Variants in TRPM3 observed in about 807,000 individuals in gnomAD.
The protein encoded by TRPM3 is transient receptor potential cation channel subfamily M member 3, also known as long transient receptor potential channel 3.
In TRPM3, 77 loss-of-function variants were observed where a neutral mutation model predicts 181.2. That is an observed-to-expected ratio of 0.42 (90% CI 0.35 to 0.51). TRPM3 has a LOEUF of 0.51. Ranked by LOEUF, TRPM3 falls within the 20% of genes least tolerant of loss-of-function variation. The probability of loss-of-function intolerance (pLI) is 0.01; values close to 1 mark genes in which losing one functional copy is unlikely to be tolerated. For missense variants in TRPM3, 1,759 were observed against 2,196.7 expected (o/e 0.80, Z 3.98); for synonymous variants, 745 against 796.4 (o/e 0.94, Z 1.09).
chr9:71,145,160 G>A (rs1371013422), intron 1 of TRPM3, among the ~76,000 whole-genome samples: 1 of 152,066 alleles, frequency 6.6e-6, no homozygotes, highest in Non-Finnish European at 1.5e-5. Context: ...TTATAATGAA[G>A]AGCAAAGAGT....
At chr9:71,216,943 T>C (rs929272489) in intron 1 of TRPM3, among the ~76,000 whole-genome samples, 3 of 44,950 alleles carry the variant, frequency 6.7e-5, no homozygotes, top group Non-Finnish European at 1.0e-4. Context: ...CTTTCTTTTT[T>C]TTTTTTTTTT....
At chr9:70,948,649 A>G (rs1018384880) in intron 1 of TRPM3, among the ~76,000 whole-genome samples, 4 of 152,194 alleles carry the variant, frequency 2.6e-5, no homozygotes, top group Non-Finnish European at 5.9e-5. Flanking sequence ...CATCTCTGTC[A>G]TTAGGAATTT....
chr9:71,425,926 C>T (rs2093855105), intron 1 of TRPM3, among the ~76,000 whole-genome samples: 1 of 152,086 alleles, frequency 6.6e-6, no homozygotes, highest in Non-Finnish European at 1.5e-5. Flanking sequence ...ATGTTGCTCC[C>T]TCTACCTGGA....
chr9:71,266,618 G>T (rs1478374204), intron 1 of TRPM3, among the ~76,000 whole-genome samples: 1 of 151,950 alleles, frequency 6.6e-6, no homozygotes, highest in Admixed American at 6.6e-5. Context: ...TTTTATTGTG[G>T]TAAGAATACT....
chr9:71,397,757 A>C (rs1030685246), intron 1 of TRPM3, among the ~76,000 whole-genome samples: 9 of 151,092 alleles, frequency 6.0e-5, no homozygotes, highest in African/African-American at 2.0e-4. Context: ...TCTTATGTTT[A>C]CATCAGAAAA....
chr9:70,890,819 C>A (rs1316111414), intron 1 of TRPM3, among the ~76,000 whole-genome samples: 4 of 151,958 alleles, frequency 2.6e-5, no homozygotes. Flanking sequence ...GAACCAAGCA[C>A]AGGACAGAGG....
chr9:70,829,202 T>C (rs2093741520), intron 5 of TRPM3, among the ~76,000 whole-genome samples: 1 of 152,196 alleles, frequency 6.6e-6, no homozygotes, highest in Admixed American at 6.5e-5. Context: ...TTTCAGTATG[T>C]AATAACACAC....
chr9:71,410,638 T>C (rs189559055), intron 1 of TRPM3, among the ~76,000 whole-genome samples: 91 of 151,986 alleles, frequency 6.0e-4, no homozygotes, highest in Admixed American at 3.9e-3. Flanking sequence ...CCAAAAAAAA[T>C]CCAGGCCCAG....
intron 1 of TRPM3, among the ~76,000 whole-genome samples, chr9:71,265,794 T>C (rs1455119310): frequency 6.6e-6 from 1 of 152,190 alleles, no homozygotes; most frequent in Non-Finnish European, 1.5e-5. Flanking sequence ...ATTAGCTGAG[T>C]CATTAGACTA....
intron 1 of TRPM3, among the ~76,000 whole-genome samples, chr9:71,043,337 G>A (rs1016012140): frequency 6.6e-6 from 1 of 152,162 alleles, no homozygotes; most frequent in African/African-American, 2.4e-5. Context: ...AAAGATGGAG[G>A]AGCCTGGAAG....
Position 70,549,660 on chromosome 9 carries a change from C to T in TRPM3, c.3589G>A (p.Asp1197Asn), listed in dbSNP as rs374965020. ...TCATGTACTTTCTTGAGCTCATCAT[C>T]GGTTATGAAGAGTTCTGTGGAAAAA... ...RDYGLKLFIT[D>N]DELKKVHDFE... Residue 1197 changes from aspartate to asparagine, a missense_variant, in exon 25 of 26, where the codon GAT (aspartate) becomes AAT (asparagine). Physicochemically the swap from Asp to Asn is conservative, Grantham distance 23. Around this residue, in one of 8 missense-constraint regions of TRPM3, gnomAD observed 96 missense variants for 129.6 expected, o/e 0.74. Transcript: ENST00000677713. The T allele has an allele frequency of 3.4e-5, 55 of 1,603,680 alleles. No individual in the cohort carries two copies. In the Middle Eastern group the frequency reaches 5.0e-4, roughly 15 times the overall value.
intron 1 of TRPM3, among the ~76,000 whole-genome samples, chr9:71,023,005 T>G (rs1374153630): frequency 1.3e-5 from 2 of 152,084 alleles, no homozygotes; most frequent in African/African-American, 4.8e-5. Context: ...AATTGAATCT[T>G]ATCAAAATTA....
rs548605125 is a variant in TRPM3, at chr9:71,131,252, G to C, written c.184-266741C>G. On this transcript the variant is annotated intron_variant, in intron 1 of 24. Transcript: ENST00000357533. ...AGCTTTCTCCTCCAGCTCTTCATGA[G>C]ATTAGCTCCTTCTCATGCTGGGAAA... 7.7e-4 allele frequency among the ~76,000 whole-genome samples: 118 copies of C among 152,330 alleles called. 1 individual carries two copies. The Middle Eastern group carries it at 0.01, about 13-fold the overall frequency.
intron 1 of TRPM3, among the ~76,000 whole-genome samples, chr9:70,908,658 G>A (rs1011060291): frequency 1.3e-5 from 2 of 152,164 alleles, no homozygotes; most frequent in Non-Finnish European, 2.9e-5. Context: ...AAATCCCAGG[G>A]AGAGATTCAA....
chr9:71,351,836 G>C lies in TRPM3; in HGVS notation c.183+94817C>G, dbSNP rs145854277. Among the ~76,000 whole-genome samples, 276 of 150,864 alleles carry C rather than the reference G, an allele frequency of 1.8e-3. 3 individuals are homozygous for C. The highest frequency in any genetic ancestry group is 0.013 in the Admixed American group (201 of 15,104). ...AGAGGCAATAAGAAGGTAGGAGAGA[G>C]TAAAGGAAATGGGAAGTTTTTGTTT... On this transcript the variant is annotated intron_variant, in intron 1 of 24. Coordinates refer to the TRPM3 transcript ENST00000357533.
chr9:71,315,770 A>C (rs1028138096), intron 1 of TRPM3, among the ~76,000 whole-genome samples: 1 of 152,214 alleles, frequency 6.6e-6, no homozygotes, highest in Admixed American at 6.5e-5. Flanking sequence ...TCTTATTAAT[A>C]AGTTTTTGTG....
chr9:70,984,896 G>A (rs956309260), intron 1 of TRPM3, among the ~76,000 whole-genome samples: 3 of 152,182 alleles, frequency 2.0e-5, no homozygotes, highest in East Asian at 1.9e-4. Context: ...TATGTCATCC[G>A]TATTTTATTT....
intron 1 of TRPM3, among the ~76,000 whole-genome samples, chr9:71,436,714 G>C (rs1363417941): frequency 6.6e-6 from 1 of 152,090 alleles, no homozygotes; most frequent in Admixed American, 6.6e-5. Context: ...AGCTGGAAAA[G>C]GCAAGCAAAT....
chr9:71,365,010 A>G (rs1020355571), intron 1 of TRPM3, among the ~76,000 whole-genome samples: 2 of 152,208 alleles, frequency 1.3e-5, no homozygotes, highest in South Asian at 4.1e-4. Context: ...AGACATAAAG[A>G]AAGACCCGAT....
Sources: allele counts gnomAD v4.1 joint callset (sites outside exome capture counted in the v4.1 genomes callset), GRCh38; gene constraint gnomAD v4.1.1; regional missense constraint gnomAD v4.1.1; transcripts MANE v1.5; gene names NCBI Gene and HGNC (gene_info 2026-07-23, HGNC 2026-07-21).